The following RALY variants were observed in gnomAD, a reference collection of about 807,000 sequenced individuals.
RALY encodes the protein RALY heterogeneous nuclear ribonucleoprotein.
A neutral mutation model predicts 30.7 loss-of-function variants in RALY; 15 were observed. The ratio of observed to expected loss-of-function variants is 0.49; its 90% CI spans 0.33 to 0.75. The LOEUF (loss-of-function observed/expected upper bound fraction) is 0.75, where lower values mean the gene tolerates loss of function less well. RALY is among the 30% of genes least tolerant of loss of function. The pLI, the probability that RALY is intolerant of heterozygous loss-of-function variation, is 0.02. For synonymous variants in RALY, 177 were observed against 170.8 expected (o/e 1.04, Z -0.28); for missense variants, 339 against 414.3 (o/e 0.82, Z 1.58).
At position 34,072,325 on chromosome 20, in the gene RALY, C is replaced by T; in HGVS notation, c.251C>T (p.Thr84Ile). Residue 84 changes from threonine to isoleucine, a missense_variant, in exon 3 of 10, where the codon ACC (threonine) becomes ATC (isoleucine). By Grantham distance (89) the Thr-to-Ile change is moderately conservative (BLOSUM62 -1). Coordinates refer to ENST00000246194, the MANE Select transcript of RALY (RefSeq NM_016732.3). ...AATGGGCGGGTGCTGGCCGGGCAGA[C>T]CCTGGGTAAGCCTCTCTTCACTATA... is the stretch of plus-strand genomic sequence containing the variant. ...GENGRVLAGQ[T>I]LDINMAGEPK... 1 of 1,611,612 alleles carries T rather than the reference C, an allele frequency of 6.2e-7. No individual in the cohort carries two copies. The highest frequency in any genetic ancestry group is 8.5e-7 in the Non-Finnish European group (1 of 1,179,806).
At chr20:34,027,781 CAAG>C (rs2032099158) in intron 1 of RALY, among the ~76,000 whole-genome samples, 1 of 152,204 alleles carries the variant, frequency 6.6e-6, no homozygotes, top group African/African-American at 2.4e-5. Flanking sequence ...ATTCAGCTTA[CAAG>C]AAGAACCATA....
At chr20:34,075,420 A>G (rs1375684721) in intron 5 of RALY, among the ~76,000 whole-genome samples, 14 of 151,940 alleles carry the variant, frequency 9.2e-5, no homozygotes, top group Admixed American at 9.2e-4. Flanking sequence ...GGGGAAACTG[A>G]GGCTCAGGTA....
In RALY at chr20:34,073,572, T is replaced by A. The variant is rs754708902; in HGVS notation, c.266T>A (p.Met89Lys). 6.3e-7 allele frequency: 1 copy of A among 1,596,304 alleles called. No homozygotes were observed. The highest frequency in any genetic ancestry group is 1.1e-5 in the South Asian group (1 of 90,706). The change falls in exon 4 of 10, where the codon ATG becomes AAG. Residue 89 changes from methionine to lysine, a missense_variant. Physicochemically the swap from Met to Lys is moderately conservative, Grantham distance 95. Transcript: ENST00000246194. ...TTCTCCCTCCACACAGACATCAACA[T>A]GGCTGGAGAGCCTAAGCCTGACAGA... is the stretch of plus-strand genomic sequence containing the variant. ...VLAGQTLDINMAGEPKPDRPK... is the reference protein window; with the variant it reads ...VLAGQTLDINKAGEPKPDRPK...
At chr20:33,994,218 C>G (rs929329992) in intron 1 of RALY, 87 bp downstream of exon 1, 16 of 152,666 alleles carry the variant, frequency 1.0e-4, no homozygotes, top group African/African-American at 3.6e-4. Context: ...TTCCGGCAGG[C>G]CGCTGCCTAT....
At chr20:34,000,988 A>C (rs1034190012) in intron 1 of RALY, among the ~76,000 whole-genome samples, 10 of 152,196 alleles carry the variant, frequency 6.6e-5, no homozygotes, top group African/African-American at 2.4e-4. Context: ...TTATCTCTGG[A>C]AGGAGAAAGG....
intron 8 of RALY, 63 bp downstream of exon 8, chr20:34,077,308 AG>A: frequency 6.3e-7 from 1 of 1,599,564 alleles, no homozygotes; most frequent in Non-Finnish European, 8.5e-7. Flanking sequence ...GGAGGCCAAC[AG>A]GGGAATGGGC....
At chr20:34,019,320 C>CT (rs1423484492) in intron 1 of RALY, among the ~76,000 whole-genome samples, 2 of 151,784 alleles carry the variant, frequency 1.3e-5, no homozygotes, top group African/African-American at 4.8e-5. Flanking sequence ...CAGCGAGACT[C>CT]TGTCTCAAAA....
Position 34,072,072 on chromosome 20 carries a change from A to C in RALY, c.-3A>C. ...CGAGGCTCTTTTTCTTCAGGTGGGC[A>C]CCATGTCCTTGAAGCTTCAGGCAAG... On this transcript the variant is annotated 5_prime_UTR_variant, in exon 3 of 10. Transcript: ENST00000246194. 2 of 1,613,880 alleles carry C rather than the reference A, an allele frequency of 1.2e-6. No individual in the cohort carries two copies. The highest frequency in any genetic ancestry group is 1.7e-6 in the Non-Finnish European group (2 of 1,179,754).
At chr20:34,065,766 C>CT (rs1000732206) in intron 2 of RALY, among the ~76,000 whole-genome samples, 1 of 152,214 alleles carries the variant, frequency 6.6e-6, no homozygotes, top group Non-Finnish European at 1.5e-5. Context: ...CCAGGGTTAT[C>CT]TAAGGGCAGA....
chr20:34,049,932 G>T (rs1028692898), intron 2 of RALY, among the ~76,000 whole-genome samples: 1 of 152,212 alleles, frequency 6.6e-6, no homozygotes, highest in African/African-American at 2.4e-5. Context: ...GAAATGCAGA[G>T]AATGTCTGCT....
At chr20:33,998,423 A>G (rs1031314047) in intron 1 of RALY, among the ~76,000 whole-genome samples, 1 of 152,318 alleles carries the variant, frequency 6.6e-6, no homozygotes, top group East Asian at 1.9e-4. Flanking sequence ...TAAGTTCAGA[A>G]ATGGTGATAA....
chr20:34,014,348 A>C (rs2123029143), intron 1 of RALY, among the ~76,000 whole-genome samples: 1 of 152,346 alleles, frequency 6.6e-6, no homozygotes, highest in East Asian at 1.9e-4. Context: ...AGTAGAAAAC[A>C]ACAAAGAATG....
At chr20:33,995,414 G>C (rs2030567658) in intron 1 of RALY, among the ~76,000 whole-genome samples, 1 of 152,184 alleles carries the variant, frequency 6.6e-6, no homozygotes, top group Non-Finnish European at 1.5e-5. Flanking sequence ...GTTTGATGGG[G>C]GTTAGGGGGA....
At chr20:34,074,001 C>T (rs2033804293) in intron 5 of RALY, 135 bp downstream of exon 5, 7 of 939,470 alleles carry the variant, frequency 7.5e-6, no homozygotes, top group Admixed American at 4.6e-5. Context: ...CTCCACCAGT[C>T]GGTAGCAGAG....
chr20:34,060,746 A>G (rs1411767819), intron 2 of RALY, among the ~76,000 whole-genome samples: 2 of 152,158 alleles, frequency 1.3e-5, no homozygotes, highest in Non-Finnish European at 1.5e-5. Flanking sequence ...ACTCCTACAC[A>G]CAGCAAGCTT....
chr20:34,064,097 CTG>C (rs1227488731), intron 2 of RALY, among the ~76,000 whole-genome samples: 2 of 152,118 alleles, frequency 1.3e-5, no homozygotes, highest in Admixed American at 1.3e-4. Context: ...ATGGATAAGT[CTG>C]TGTTTGGATG....
intron 2 of RALY, among the ~76,000 whole-genome samples, chr20:34,043,553 C>T (rs1045895697): frequency 6.6e-5 from 10 of 152,182 alleles, no homozygotes; most frequent in Admixed American, 5.2e-4. Context: ...CTCATGAAAC[C>T]TCTAAAATCT....
rs1450169009 is a variant in RALY, at chr20:34,076,031, A to G, written c.535A>G (p.Lys179Glu). 5 of 1,613,858 alleles carry G rather than the reference A, an allele frequency of 3.1e-6. No individual in the cohort carries two copies. The Admixed American group carries it at 8.3e-5, about 27-fold the overall frequency. The change falls in exon 6 of 10, where the codon AAG becomes GAG. Residue 179 changes from lysine (K) to glutamate (E), a missense_variant. Lys to Glu is a moderately conservative substitution (Grantham distance 56). Coordinates refer to ENST00000246194, the MANE Select transcript of RALY (RefSeq NM_016732.3). Reference protein sequence around the residue: ...RSTAVTTSSAKIKLKSSELQA... With the variant: ...RSTAVTTSSAEIKLKSSELQA... ...CACAGCTGTCACCACCAGCTCAGCC[A>G]AGATCAAGTGTGAGTGACTGTATCA...
chr20:34,014,266 A>G (rs2031524564), intron 1 of RALY, among the ~76,000 whole-genome samples: 1 of 152,170 alleles, frequency 6.6e-6, no homozygotes, highest in Non-Finnish European at 1.5e-5. Flanking sequence ...GCCAGTACCT[A>G]CTGGCAGTTG....
Sources: gnomAD v4.1 joint callset for allele counts (sites outside exome capture counted in the v4.1 genomes callset) on GRCh38, gnomAD v4.1.1 for gene constraint, MANE v1.5 for transcripts, NCBI Gene and HGNC (gene_info 2026-07-23, HGNC 2026-07-21) for gene names.